Variants in BICC1 observed in about 807,000 individuals in gnomAD.
BICC1 encodes the protein protein bicaudal C homolog 1.
Under a neutral mutation model 111.0 loss-of-function variants are expected in BICC1, and 43 were observed. The ratio of observed to expected loss-of-function variants is 0.39; its 90% CI spans 0.30 to 0.50. BICC1 has a LOEUF of 0.50. Among genes scored for constraint, BICC1 ranks in the 20% least tolerant of loss-of-function variants. The pLI is 0.88. For missense variants in BICC1, 1,091 were observed against 1,203.2 expected, an observed-to-expected ratio of 0.91 and a Z score of 1.38; for synonymous variants, 467 against 434.4, an observed-to-expected ratio of 1.07 and a Z score of -0.93.
intron 1 of BICC1, among the ~76,000 whole-genome samples, chr10:58,557,120 T>C (rs980797208): frequency 2.0e-5 from 3 of 152,140 alleles, no homozygotes; most frequent in African/African-American, 7.2e-5. Flanking sequence ...TTTGCCTTTA[T>C]TTTTGAAAGA....
At chr10:58,553,511 A>AAAT (rs945393925) in intron 1 of BICC1, among the ~76,000 whole-genome samples, 2 of 152,172 alleles carry the variant, frequency 1.3e-5, no homozygotes, top group Admixed American at 6.6e-5. Flanking sequence ...TAACCCAGTG[A>AAAT]AATCCATTTT....
chr10:58,654,876 G>A (rs1564534299), intron 2 of BICC1, among the ~76,000 whole-genome samples: 1 of 135,072 alleles, frequency 7.4e-6, no homozygotes, highest in Non-Finnish European at 1.6e-5. Context: ...GTAAGGAAGG[G>A]ATCCAGTTTC....
At chr10:58,710,713 G>T (rs1840546090) in intron 3 of BICC1, among the ~76,000 whole-genome samples, 1 of 152,136 alleles carries the variant, frequency 6.6e-6, no homozygotes, top group South Asian at 2.1e-4. Flanking sequence ...TGCTTGTTGT[G>T]TTGGTTTTCT....
intron 1 of BICC1, among the ~76,000 whole-genome samples, chr10:58,597,759 C>A (rs1678670109): frequency 6.6e-6 from 1 of 151,954 alleles, no homozygotes; most frequent in Admixed American, 6.6e-5. Flanking sequence ...TTTAGCGATA[C>A]CTCTCCTACT....
At chr10:58,599,853 C>T (rs745374403) in intron 1 of BICC1, among the ~76,000 whole-genome samples, 3 of 151,792 alleles carry the variant, frequency 2.0e-5, no homozygotes, top group Non-Finnish European at 4.4e-5. Context: ...CTTATGGGAT[C>T]TGATTGTCCC....
At chr10:58,638,640 T>A (rs561339151) in intron 2 of BICC1, among the ~76,000 whole-genome samples, 2 of 152,252 alleles carry the variant, frequency 1.3e-5, no homozygotes, top group Admixed American at 1.3e-4. Flanking sequence ...CTGGGTTTTG[T>A]GGCAGGGGGT....
At chr10:58,573,500 T>A (rs2393448) in intron 1 of BICC1, among the ~76,000 whole-genome samples, 2 of 151,900 alleles carry the variant, frequency 1.3e-5, no homozygotes, top group Non-Finnish European at 2.9e-5. Flanking sequence ...ACCAATTTGA[T>A]GGATTATAAT....
chr10:58,619,375 G>C (rs1417399931), intron 1 of BICC1, among the ~76,000 whole-genome samples: 1 of 151,966 alleles, frequency 6.6e-6, no homozygotes, highest in South Asian at 2.1e-4. Flanking sequence ...TATAAAAATA[G>C]AGAAGATGTC....
chr10:58,739,869 G>C (rs1304821770), intron 3 of BICC1, among the ~76,000 whole-genome samples: 1 of 152,102 alleles, frequency 6.6e-6, no homozygotes, highest in Non-Finnish European at 1.5e-5. Context: ...ATCTCCACTG[G>C]TCAAAGAAGG....
At chr10:58,820,517 C>A in intron 20 of BICC1, 49 bp downstream of exon 20, 2 of 1,339,152 alleles carry the variant, frequency 1.5e-6, no homozygotes, top group Non-Finnish European at 2.1e-6. Flanking sequence ...TAACCTCTGC[C>A]AGTGGTCTCA....
intron 1 of BICC1, among the ~76,000 whole-genome samples, chr10:58,591,040 AG>A (rs1332920240): frequency 3.9e-5 from 6 of 152,028 alleles, no homozygotes; most frequent in Non-Finnish European, 8.8e-5. Context: ...GACACTTCCC[AG>A]TTTGGGAAAT....
chr10:58,699,173 G>A (rs11006226), intron 2 of BICC1, among the ~76,000 whole-genome samples: 37,407 of 152,198 alleles, frequency 0.25, 5,726 homozygotes, highest in African/African-American at 0.43. Context: ...TTTAGAGGTC[G>A]TGTGGTACAG....
chr10:58,798,707 A>G, intron 11 of BICC1, 147 bp downstream of exon 11: 1 of 744,152 alleles, frequency 1.3e-6, no homozygotes, highest in East Asian at 3.0e-5. Context: ...TGATATGTAA[A>G]TTAGTTAAAA....
At chr10:58,812,485 T>C (rs1029852800) in intron 17 of BICC1, among the ~76,000 whole-genome samples, 1 of 150,576 alleles carries the variant, frequency 6.6e-6, no homozygotes, top group African/African-American at 2.4e-5. Flanking sequence ...TTCTTTTCTT[T>C]TTTTTTTTTT....
chr10:58,795,398 A>G (rs1460890598), intron 9 of BICC1, among the ~76,000 whole-genome samples: 2 of 152,292 alleles, frequency 1.3e-5, no homozygotes, highest in East Asian at 1.9e-4. Flanking sequence ...TTCATGTGTG[A>G]CTAATTTGAG....
intron 3 of BICC1, among the ~76,000 whole-genome samples, chr10:58,750,787 T>C: frequency 6.6e-6 from 1 of 152,166 alleles, no homozygotes; most frequent in East Asian, 1.9e-4. Flanking sequence ...GAAAAGCTTG[T>C]TAATTGTGAC....
chr10:58,608,700 G>A (rs1251671759), intron 1 of BICC1, among the ~76,000 whole-genome samples: 3 of 152,148 alleles, frequency 2.0e-5, no homozygotes, highest in Non-Finnish European at 4.4e-5. Flanking sequence ...GCATATTTCA[G>A]GGGTAAAACA....
chr10:58,701,219 GA>G (rs1477746263), intron 2 of BICC1, among the ~76,000 whole-genome samples: 2 of 152,172 alleles, frequency 1.3e-5, no homozygotes, highest in East Asian at 3.9e-4. Context: ...ATTAATACAT[GA>G]TTTTTTTTTG....
intron 8 of BICC1, among the ~76,000 whole-genome samples, chr10:58,792,862 T>A (rs1843226335): frequency 6.6e-6 from 1 of 151,922 alleles, no homozygotes. Context: ...CCCCCTCCCC[T>A]GGTCCATGAA....
Sources: allele counts gnomAD v4.1 joint callset (sites outside exome capture counted in the v4.1 genomes callset), GRCh38; gene constraint gnomAD v4.1.1; transcripts MANE v1.5; gene names NCBI Gene and HGNC (gene_info 2026-07-23, HGNC 2026-07-21).